RASSF2: variants seen among roughly 807,000 people sequenced by gnomAD.
RASSF2 encodes the protein Ras association domain family member 2, also known as ras association domain-containing protein 2.
Under a neutral mutation model 46.3 loss-of-function variants are expected in RASSF2, and 34 were observed. The ratio of observed to expected loss-of-function variants is 0.73; its 90% confidence interval spans 0.56 to 0.98. RASSF2 has a LOEUF of 0.98. Among genes scored for constraint, RASSF2 ranks in the 50% least tolerant of loss-of-function variants. The probability of loss-of-function intolerance (pLI) is 0.00; values close to 1 mark genes in which losing one functional copy is unlikely to be tolerated. For synonymous variants in RASSF2, 158 were observed against 162.5 expected (o/e 0.97, Z 0.21); for missense variants, 364 against 431.2 (o/e 0.84, Z 1.38).
At position 4,786,235 on chromosome 20, in the gene RASSF2, G is replaced by A. The variant is rs1439771202; in HGVS notation, c.907C>T (p.Arg303Cys). 14 of 1,606,608 alleles carry A rather than the reference G, an allele frequency of 8.7e-6. No homozygotes were observed. Among genetic ancestry groups the A allele is most frequent in the South Asian group, 6.6e-5 (6 of 90,924 alleles). ...TGCCCCAGAAGCCACACTTACTTGC[G>A]CATCAGCTTCTTTACTTCCCGATCT... ...EEDREVKKLMRKYTVLRLMIR... is the reference protein window; with the variant it reads ...EEDREVKKLMCKYTVLRLMIR... The change falls in exon 11 of 12, where the codon CGC (arginine) becomes TGC (cysteine). Residue 303 changes from arginine to cysteine, a missense_variant. Transcript: ENST00000379400.
At chr20:4,787,278 G>A (rs999018870) in intron 10 of RASSF2, among the ~76,000 whole-genome samples, 2 of 152,156 alleles carry the variant, frequency 1.3e-5, no homozygotes, top group Non-Finnish European at 2.9e-5. Context: ...GGTTTCTCAT[G>A]CTCCGCCATC....
rs139050897 is a variant in RASSF2 at position 4,784,109 on chromosome 20, G to A, written c.*164C>T. 120 of 678,610 alleles carry A rather than the reference G, an allele frequency of 1.8e-4. No homozygotes were observed. The African/African-American group carries it at 1.9e-3, about 11-fold the overall frequency. 42.0% of individuals were successfully genotyped at this position (678,610 alleles called of 1,614,324 possible). ...GGCAGGGGTCCAGGGATAGGGAGCTGTCTGCTGACTTCTACATCCAGCTCC... is the reference window on the plus strand; with the variant it reads ...GGCAGGGGTCCAGGGATAGGGAGCTATCTGCTGACTTCTACATCCAGCTCC... On this transcript the variant is annotated 3_prime_UTR_variant, in exon 12 of 12. Coordinates refer to ENST00000379400, the MANE Select transcript of RASSF2 (RefSeq NM_014737.3).
rs775269444 is a variant in RASSF2 at position 4,790,512 on chromosome 20, C to T, written c.476G>A (p.Ser159Asn). The T allele has an allele frequency of 6.5e-7, 1 of 1,534,242 alleles. No homozygotes were observed. The highest frequency in any genetic ancestry group is 1.2e-5 in the South Asian group (1 of 80,424). ...GTGGCGTCTGATTCGCCGCTGGTCACTAGGCGTCCTCACATTGCCACGGCG... is the reference window on the plus strand; with the variant it reads ...GTGGCGTCTGATTCGCCGCTGGTCATTAGGCGTCCTCACATTGCCACGGCG... ...VRRRGNVRTP[S>N]DQRRIRRHRF... Residue 159 changes from serine to asparagine, a missense_variant, in exon 7 of 12, where the codon AGT (serine) becomes AAT (asparagine). Transcript: ENST00000379400. This position sits in a 1 kb window ranked among gnomAD's most constrained non-coding sequence, Gnocchi z 4.3.
Position 4,790,831 on chromosome 20 carries a change from C to T in RASSF2, c.377-220G>A, listed in dbSNP as rs1925812252. On this transcript the variant is annotated intron_variant, in intron 6 of 11. Transcript: ENST00000379400. This position sits in a 1 kb window ranked among gnomAD's most constrained non-coding sequence, Gnocchi z 4.3. ...ACTTCAGAGCCGGACTCCCTGGGTT[C>T]AAATCCCTGCTCCATGATTGCCATA... 6.6e-6 allele frequency among the ~76,000 whole-genome samples: 1 copy of T among 152,076 alleles called. No individual in the cohort carries two copies. Among genetic ancestry groups the T allele is most frequent in the Non-Finnish European group, 1.5e-5 (1 of 68,032 alleles).
intron 6 of RASSF2, among the ~76,000 whole-genome samples, chr20:4,792,279 A>AGGGGG (rs1925950727): frequency 1.6e-4 from 2 of 12,814 alleles, no homozygotes; most frequent in African/African-American, 3.1e-4. Context: ...AGGGGAGGGG[A>AGGGGG]GGGGAGGGGG....
chr20:4,805,395 C>A (rs374717394), intron 2 of RASSF2, among the ~76,000 whole-genome samples: 1 of 152,044 alleles, frequency 6.6e-6, no homozygotes. Flanking sequence ...ACCTTGAAGG[C>A]AGCTCACAAG....
intron 2 of RASSF2, among the ~76,000 whole-genome samples, chr20:4,802,882 G>A (rs187483038): frequency 0.016 from 2,127 of 134,520 alleles, 61 homozygotes; most frequent in African/African-American, 0.057. Context: ...ATGTGTGTGT[G>A]TATATATATA....
chr20:4,804,309 G>A (rs1327843587), intron 2 of RASSF2, among the ~76,000 whole-genome samples: 6 of 147,556 alleles, frequency 4.1e-5, no homozygotes, highest in Middle Eastern at 3.6e-3. Flanking sequence ...CACATGTAAC[G>A]CGCAAAAAGA....
At chr20:4,810,423 C>T (rs1220994503) in intron 2 of RASSF2, among the ~76,000 whole-genome samples, 1 of 152,180 alleles carries the variant, frequency 6.6e-6, no homozygotes, top group African/African-American at 2.4e-5. Flanking sequence ...GGAGCTCCCA[C>T]CAAAAACAGC....
chr20:4,796,365 C>G (rs1345418730), intron 4 of RASSF2, among the ~76,000 whole-genome samples: 1 of 152,208 alleles, frequency 6.6e-6, no homozygotes, highest in Non-Finnish European at 1.5e-5. Flanking sequence ...AAAATGATGT[C>G]TCTTTAGCTA....
intron 10 of RASSF2, among the ~76,000 whole-genome samples, chr20:4,786,597 A>C (rs1213046785): frequency 2.0e-5 from 3 of 152,208 alleles, no homozygotes; most frequent in African/African-American, 7.2e-5. Flanking sequence ...CAAACACAGA[A>C]AAGTACTTTC....
intron 2 of RASSF2, among the ~76,000 whole-genome samples, chr20:4,802,369 T>C (rs912672342): frequency 5.3e-5 from 8 of 152,044 alleles, no homozygotes; most frequent in African/African-American, 1.5e-4. Flanking sequence ...CACTACTAAG[T>C]GTCCCCAGGG....
chr20:4,808,495 T>TC (rs1222340880), intron 2 of RASSF2, among the ~76,000 whole-genome samples: 1 of 150,812 alleles, frequency 6.6e-6, no homozygotes, highest in East Asian at 1.9e-4. Flanking sequence ...TCTTTTTTTT[T>TC]TTTTTTTTTG....
In RASSF2 at chr20:4,784,219, G is replaced by T. The variant is rs1925079264; in HGVS notation, c.*54C>A. On this transcript the variant is annotated 3_prime_UTR_variant, in exon 12 of 12. Coordinates refer to ENST00000379400, the MANE Select transcript of RASSF2 (RefSeq NM_014737.3). ...AAAGAAAGTGCCTAGCTTCCTGGGG[G>T]TCTTATGGGCAATGGCGGTTCCTGG... 2.0e-6 allele frequency: 3 copies of T among 1,519,688 alleles called. No homozygotes were observed. The highest frequency in any genetic ancestry group is 1.1e-5 in the South Asian group (1 of 89,164). The allele number at this position is 1,519,688 out of a possible 1,614,324, so 94.1% of individuals were successfully genotyped here.
intron 2 of RASSF2, among the ~76,000 whole-genome samples, chr20:4,819,701 G>C (rs918070806): frequency 3.3e-5 from 5 of 152,180 alleles, no homozygotes; most frequent in African/African-American, 1.2e-4. Flanking sequence ...TTATAAAAAT[G>C]AGCAGTTAAT....
chr20:4,821,598 G>A (rs1192192825), intron 2 of RASSF2, among the ~76,000 whole-genome samples: 2 of 152,138 alleles, frequency 1.3e-5, no homozygotes, highest in African/African-American at 4.8e-5. Context: ...ATGTCTCCCT[G>A]ATATTCCACC....
At chr20:4,802,020 G>A (rs1486628112) in intron 2 of RASSF2, among the ~76,000 whole-genome samples, 1 of 152,168 alleles carries the variant, frequency 6.6e-6, no homozygotes, top group Non-Finnish European at 1.5e-5. Context: ...GATTACAGGC[G>A]TGAGCCACCG....
chr20:4,794,490 C>T (rs1926171068), intron 5 of RASSF2, among the ~76,000 whole-genome samples: 1 of 151,972 alleles, frequency 6.6e-6, no homozygotes, highest in African/African-American at 2.4e-5. Flanking sequence ...TCGCTTGAAC[C>T]CGAGAGGCAG....
chr20:4,795,650 G>A lies in RASSF2; in HGVS notation c.287+165C>T. 1 of 761,704 alleles carries A rather than the reference G, an allele frequency of 1.3e-6. No individual in the cohort carries two copies. Among genetic ancestry groups the A allele is most frequent in the Admixed American group, 3.0e-5 (1 of 33,736 alleles). The allele number at this position is 761,704 out of a possible 1,614,324, so 47.2% of individuals were successfully genotyped here. Reference sequence around the variant, plus strand: ...AGGGGGCTCAATCACAACCACATCTGCTGCTTGTTCCTCATTCCAAGGCTA... The same window carrying A: ...AGGGGGCTCAATCACAACCACATCTACTGCTTGTTCCTCATTCCAAGGCTA... On this transcript the variant is annotated intron_variant, in intron 5 of 11. Transcript: ENST00000379400. This position sits in a 1 kb window ranked among gnomAD's most constrained non-coding sequence, Gnocchi z 4.0.
Sources: gnomAD v4.1 joint callset for allele counts (sites outside exome capture counted in the v4.1 genomes callset) on GRCh38, gnomAD v4.1.1 for gene constraint, Gnocchi (gnomAD v3.1) non-coding constraint, MANE v1.5 for transcripts, NCBI Gene and HGNC (gene_info 2026-07-23, HGNC 2026-07-21) for gene names.